Variants in AGBL1 observed in about 807,000 individuals in gnomAD.
The protein encoded by AGBL1 is cytosolic carboxypeptidase 4.
AGBL1 carries 130 observed loss-of-function variants against 118.9 expected under a neutral mutation model. The ratio of observed to expected loss-of-function variants is 1.09; its 90% CI spans 0.95 to 1.26. The LOEUF (loss-of-function observed/expected upper bound fraction) is 1.26, where lower values mean the gene tolerates loss of function less well. Ranked by LOEUF, AGBL1 falls within the 50% of genes most tolerant of loss-of-function variation. The pLI is 0.00. For synonymous variants in AGBL1, 555 were observed against 478.9 expected, an observed-to-expected ratio of 1.16 and a Z score of -2.08; for missense variants, 1,584 against 1,298.1, an observed-to-expected ratio of 1.22 and a Z score of -3.38.
At chr15:86,744,613 A>G (rs1184394231) in intron 22 of AGBL1, among the ~76,000 whole-genome samples, 1 of 152,164 alleles carries the variant, frequency 6.6e-6, no homozygotes, top group Non-Finnish European at 1.5e-5. Context: ...GACTAAGGCA[A>G]GAAGGGAGAC....
intron 22 of AGBL1, among the ~76,000 whole-genome samples, chr15:86,720,200 C>G (rs916292720): frequency 3.9e-5 from 6 of 152,152 alleles, no homozygotes; most frequent in African/African-American, 1.4e-4. Context: ...CAGACTTAAC[C>G]TGACTGATGA....
intron 17 of AGBL1, among the ~76,000 whole-genome samples, chr15:86,302,431 A>G (rs756097687): frequency 1.3e-5 from 2 of 152,040 alleles, no homozygotes; most frequent in Non-Finnish European, 2.9e-5. Flanking sequence ...TGTCTTTTCA[A>G]GTAGAAACAT....
intron 16 of AGBL1, among the ~76,000 whole-genome samples, chr15:86,287,753 AAG>A (rs755268174): frequency 4.7e-4 from 71 of 151,826 alleles, no homozygotes; most frequent in Middle Eastern, 3.4e-3. Context: ...TTTAATAAGA[AAG>A]AGAGAGAGAG....
chr15:87,030,427 AG>A (rs1479576055), downstream of AGBL1, among the ~76,000 whole-genome samples: 6 of 152,040 alleles, frequency 3.9e-5, no homozygotes, highest in Non-Finnish European at 8.8e-5. Context: ...ATTGAACAGT[AG>A]TAATAAAAGC....
intron 22 of AGBL1, among the ~76,000 whole-genome samples, chr15:86,845,437 C>A (rs1255715135): frequency 6.6e-6 from 1 of 152,086 alleles, no homozygotes; most frequent in Non-Finnish European, 1.5e-5. Context: ...ACCTTGCATT[C>A]TTAGGATAAA....
chr15:86,712,556 T>G (rs2086577331), intron 22 of AGBL1, among the ~76,000 whole-genome samples: 1 of 152,156 alleles, frequency 6.6e-6, no homozygotes, highest in South Asian at 2.1e-4. Flanking sequence ...TGGTGCTTAA[T>G]TAGTTAATAC....
intron 2 of AGBL1, among the ~76,000 whole-genome samples, chr15:86,143,310 G>T (rs1004253250): frequency 1.3e-5 from 2 of 152,152 alleles, no homozygotes; most frequent in Non-Finnish European, 2.9e-5. Context: ...TGTTACAGAA[G>T]ATTCAAATGT....
chr15:86,622,544 A>G (rs1008515849), intron 21 of AGBL1, among the ~76,000 whole-genome samples: 1 of 152,206 alleles, frequency 6.6e-6, no homozygotes, highest in African/African-American at 2.4e-5. Flanking sequence ...GACAAATGAA[A>G]CAGGATGAAA....
At chr15:86,172,206 T>C (rs1264404471) in intron 5 of AGBL1, among the ~76,000 whole-genome samples, 2 of 152,172 alleles carry the variant, frequency 1.3e-5, no homozygotes, top group African/African-American at 4.8e-5. Context: ...AAAATTGTGC[T>C]GCATATAAGA....
At chr15:86,562,588 A>G (rs1051114972) in intron 21 of AGBL1, among the ~76,000 whole-genome samples, 2 of 152,180 alleles carry the variant, frequency 1.3e-5, no homozygotes, top group Non-Finnish European at 2.9e-5. Context: ...CATCAGGGAT[A>G]TTGGTCTAAA....
chr15:86,754,536 T>C (rs1001412131), intron 22 of AGBL1, among the ~76,000 whole-genome samples: 9 of 152,050 alleles, frequency 5.9e-5, no homozygotes, highest in Admixed American at 3.9e-4. Context: ...CTTTTGTGTC[T>C]GTCCATGAGT....
At position 86,674,443 on chromosome 15, in the gene AGBL1, T is replaced by A; in HGVS notation, c.3158+7T>A. The A allele has an allele frequency of 6.2e-7, 1 of 1,602,280 alleles. No homozygotes were observed. Among genetic ancestry groups the A allele is most frequent in the East Asian group, 2.3e-5 (1 of 44,424 alleles). ...TGGACCAGCACCTCCAACGGTAAGATGCTCCCAAGGGCTCAGAGAAATTTG... is the reference window on the plus strand; with the variant it reads ...TGGACCAGCACCTCCAACGGTAAGAAGCTCCCAAGGGCTCAGAGAAATTTG... On this transcript the variant is annotated splice_region_variant and intron_variant, in intron 22 of 22. Coordinates refer to ENST00000614907, the MANE Select transcript of AGBL1 (RefSeq NM_001386094.1).
At chr15:86,840,997 G>A (rs2079237222) in intron 22 of AGBL1, among the ~76,000 whole-genome samples, 1 of 152,136 alleles carries the variant, frequency 6.6e-6, no homozygotes. Context: ...TATGAAAAAT[G>A]AGACTACAAG....
intron 23 of AGBL1, among the ~76,000 whole-genome samples, chr15:86,936,732 C>T (rs1372323140): frequency 6.6e-6 from 1 of 152,134 alleles, no homozygotes; most frequent in African/African-American, 2.4e-5. Flanking sequence ...CCATGCTAGA[C>T]ATAGGAACAG....
chr15:86,973,091 G>A (rs1247972422), intron 23 of AGBL1, among the ~76,000 whole-genome samples: 1 of 151,980 alleles, frequency 6.6e-6, no homozygotes, highest in East Asian at 1.9e-4. Context: ...TTGTGTAACA[G>A]TAGTACTGGT....
At chr15:86,361,765 C>G (rs961233644) in intron 17 of AGBL1, among the ~76,000 whole-genome samples, 3 of 151,996 alleles carry the variant, frequency 2.0e-5, no homozygotes, top group Admixed American at 6.6e-5. Context: ...ATAGCTATCC[C>G]TGATCTGTTT....
Position 86,079,897 on chromosome 15 carries a change from A to G in AGBL1, c.-76A>G. 1 of 1,109,644 alleles carries G rather than the reference A, an allele frequency of 9.0e-7. No homozygotes were observed. Among genetic ancestry groups the G allele is most frequent in the Non-Finnish European group, 1.1e-6 (1 of 874,962 alleles). The allele number at this position is 1,109,644 out of a possible 1,614,324, so 68.7% of individuals were successfully genotyped here. ...GTCGTCTCCTGCGAGGCGGGCAGCG[A>G]GGTCAGCTTGGCAGCCGCTGCCTCT... On this transcript the variant is annotated 5_prime_UTR_variant, in exon 1 of 23. Coordinates refer to ENST00000614907, the MANE Select transcript of AGBL1 (RefSeq NM_001386094.1).
At chr15:86,724,809 G>T (rs529468164) in intron 22 of AGBL1, among the ~76,000 whole-genome samples, 7 of 152,048 alleles carry the variant, frequency 4.6e-5, no homozygotes, top group African/African-American at 1.7e-4. Flanking sequence ...TGGCACCTCC[G>T]TCTTCTCTCT....
At chr15:86,450,446 G>A (rs1046449749) in intron 18 of AGBL1, among the ~76,000 whole-genome samples, 1 of 152,208 alleles carries the variant, frequency 6.6e-6, no homozygotes, top group African/African-American at 2.4e-5. Flanking sequence ...TTGAAAAGTT[G>A]AACTGGATTT....
Sources: gnomAD v4.1 joint callset for allele counts (sites outside exome capture counted in the v4.1 genomes callset) on GRCh38, gnomAD v4.1.1 for gene constraint, MANE v1.5 for transcripts, NCBI Gene and HGNC (gene_info 2026-07-23, HGNC 2026-07-21) for gene names.